Variants in NOD2 observed in about 807,000 individuals in gnomAD.
The protein encoded by NOD2 is nucleotide binding oligomerization domain containing 2.
NOD2 carries 86 observed loss-of-function variants against 90.9 expected under a neutral mutation model. The ratio of observed to expected loss-of-function variants is 0.95; its 90% confidence interval spans 0.79 to 1.13. The LOEUF (loss-of-function observed/expected upper bound fraction) is 1.13, where lower values mean the gene tolerates loss of function less well. NOD2 is among the 50% of genes most tolerant of loss of function. The probability of loss-of-function intolerance (pLI) is 0.00; values close to 1 mark genes in which losing one functional copy is unlikely to be tolerated. For synonymous variants in NOD2, 581 were observed against 554.6 expected (o/e 1.05, Z -0.67); for missense variants, 1,238 against 1,283.8 (o/e 0.96, Z 0.55).
At position 50,722,660 on chromosome 16, in the gene NOD2, C is replaced by T; in HGVS notation, c.2672C>T (p.Ala891Val). Residue 891 changes from alanine to valine, a missense_variant, in exon 8 of 12, where the codon GCC becomes GTC. This residue lies in a region of NOD2 where 667 missense variants were observed against 688.7 expected (regional missense o/e 0.97). Transcript: ENST00000647318. ...GNRVGDEGAQ[A>V]LAEALGDHQS... ...AGAGTGGGTGACGAGGGGGCCCAGG[C>T]CCTGGCTGAAGCCTTGGGTGATCAC... 1 of 1,614,204 alleles carries T rather than the reference C, an allele frequency of 6.2e-7. No homozygotes were observed. Among genetic ancestry groups the T allele is most frequent in the Admixed American group, 1.7e-5 (1 of 60,024 alleles).
rs571559366 is a variant in NOD2, at chr16:50,697,317, G to A, written c.-8-2171G>A. 1.1e-5 allele frequency: 17 copies of A among 1,555,868 alleles called. No homozygotes were observed. The South Asian group carries it at 1.9e-4, about 17-fold the overall frequency. ...AGTGTCCTCCTCGGACATTCTCCGG[G>A]TAAGAGGAGCAGGCATTGTCCCGTC... On this transcript the variant is annotated intron_variant, in intron 1 of 11. Coordinates refer to ENST00000647318, the MANE Select transcript of NOD2 (RefSeq NM_001370466.1).
At position 50,699,512 on chromosome 16, in the gene NOD2, C is replaced by G. The variant is rs762072566; in HGVS notation, c.17C>G (p.Ala6Gly). 1.2e-6 allele frequency: 2 copies of G among 1,613,526 alleles called. No individual in the cohort carries two copies. Among genetic ancestry groups the G allele is most frequent in the South Asian group, 2.2e-5 (2 of 91,066 alleles). ...GGTTGTGAAATGTGCTCGCAGGAGG[C>G]TTTTCAGGCACAGAGGAGCCAGCTG... is the stretch of plus-strand genomic sequence containing the variant. MCSQE[A>G]FQAQRSQLVE... Residue 6 changes from alanine (A) to glycine (G), a missense_variant, in exon 2 of 12, where the codon GCT becomes GGT. Physicochemically the swap from Ala to Gly is moderately conservative, Grantham distance 60. Around this residue, in one of 3 missense-constraint regions of NOD2, gnomAD observed 567 missense variants for 577.3 expected, o/e 0.98. Transcript: ENST00000647318.
intron 6 of NOD2, among the ~76,000 whole-genome samples, chr16:50,717,559 C>T (rs970371991): frequency 6.6e-6 from 1 of 152,210 alleles, no homozygotes; most frequent in African/African-American, 2.4e-5. Flanking sequence ...ATTCTTGCCT[C>T]CTGTGATTTG....
intron 4 of NOD2, 69 bp from the exon 5 acceptor site, chr16:50,716,518 G>A: frequency 7.1e-7 from 1 of 1,399,506 alleles, no homozygotes; most frequent in Admixed American, 1.9e-5. Flanking sequence ...AAGTCTTTTT[G>A]GGGGATTTGT....
chr16:50,717,150 TC>T (rs898549293), intron 6 of NOD2, among the ~76,000 whole-genome samples, 176 bp downstream of exon 6: 3 of 152,214 alleles, frequency 2.0e-5, no homozygotes, highest in African/African-American at 7.2e-5. Context: ...CCCAGTAAAC[TC>T]TGGACTAGCT....
chr16:50,696,719 G>A (rs1459661259), intron 1 of NOD2, among the ~76,000 whole-genome samples: 1 of 152,222 alleles, frequency 6.6e-6, no homozygotes, highest in African/African-American at 2.4e-5. Flanking sequence ...CAGAGACAGG[G>A]CCTGGCTGAA....
rs770693162 is a variant in NOD2 at position 50,699,474 on chromosome 16, G to A, written c.-8-14G>A. ...TCTGGAGAAGTCCCGCACTGACCTT[G>A]TTCTCCTCCCCAGGTTGTGAAATGT... On this transcript the variant is annotated splice_polypyrimidine_tract_variant and intron_variant, in intron 1 of 11. Coordinates refer to ENST00000647318, the MANE Select transcript of NOD2 (RefSeq NM_001370466.1). 1 of 1,611,562 alleles carries A rather than the reference G, an allele frequency of 6.2e-7. No individual in the cohort carries two copies. The highest frequency in any genetic ancestry group is 1.7e-5 in the Admixed American group (1 of 60,012).
Position 50,731,830 on chromosome 16 carries a change from A to G in NOD2, c.*11A>G, listed in dbSNP as rs770345296. The G allele has an allele frequency of 2.4e-5, 39 of 1,608,252 alleles. No individual in the cohort carries two copies. In the South Asian group the frequency reaches 3.6e-4, roughly 15 times the overall value. On this transcript the variant is annotated 3_prime_UTR_variant, in exon 12 of 12. Coordinates refer to ENST00000647318, the MANE Select transcript of NOD2 (RefSeq NM_001370466.1). Reference sequence around the variant, plus strand: ...AGACTCTTGCTTTGAAGTCTCCGGGAGGATGTTCGTCTCAGTTTGTTTGTG... The same window carrying G: ...AGACTCTTGCTTTGAAGTCTCCGGGGGGATGTTCGTCTCAGTTTGTTTGTG...
chr16:50,705,924 A>G (rs114671178), intron 2 of NOD2, among the ~76,000 whole-genome samples: 148 of 152,370 alleles, frequency 9.7e-4, no homozygotes, highest in Admixed American at 2.7e-3. Flanking sequence ...GAGAGGGACA[A>G]TAAGCCAAAG....
chr16:50,713,963 G>C (rs73575756), intron 4 of NOD2, among the ~76,000 whole-genome samples: 4 of 152,132 alleles, frequency 2.6e-5, no homozygotes, highest in African/African-American at 9.7e-5. Context: ...CCAGGCAAAT[G>C]GAAAACAGCC....
At chr16:50,697,175 G>C in intron 1 of NOD2, 1 of 1,315,058 alleles carries the variant, frequency 7.6e-7, no homozygotes, top group Non-Finnish European at 1.1e-6. Flanking sequence ...TGTGCCACTG[G>C]GCTTTTGGCG....
intron 7 of NOD2, among the ~76,000 whole-genome samples, chr16:50,721,994 T>G (rs1198459165): frequency 3.3e-5 from 5 of 152,222 alleles, no homozygotes; most frequent in Admixed American, 6.5e-5. Context: ...ATTCAGCCAT[T>G]CTTTGCTAAC....
At chr16:50,726,302 G>T (rs1422053652) in intron 10 of NOD2, among the ~76,000 whole-genome samples, 1 of 152,166 alleles carries the variant, frequency 6.6e-6, no homozygotes, top group African/African-American at 2.4e-5. Flanking sequence ...TCCTTTTGCT[G>T]GAGGAAAGTG....
At chr16:50,714,207 G>C (rs561300797) in intron 4 of NOD2, among the ~76,000 whole-genome samples, 1 of 152,116 alleles carries the variant, frequency 6.6e-6, no homozygotes, top group Non-Finnish European at 1.5e-5. Flanking sequence ...GGATGTCCCC[G>C]TGATTACCAG....
At chr16:50,699,071 G>A (rs925399641) in intron 1 of NOD2, among the ~76,000 whole-genome samples, 3 of 152,052 alleles carry the variant, frequency 2.0e-5, no homozygotes, top group Non-Finnish European at 4.4e-5. Context: ...GGGATTACAG[G>A]CGCTCGCCAC....
chr16:50,711,405 A>G lies in NOD2; in HGVS notation c.1413A>G (p.Glu471=), dbSNP rs1361409611. 6.2e-7 allele frequency: 1 copy of G among 1,613,646 alleles called. No homozygotes were observed. The highest frequency in any genetic ancestry group is 1.1e-5 in the South Asian group (1 of 91,084). Residue 471 remains glutamate, a synonymous_variant, in exon 4 of 12, where the codon GAA becomes GAG. Coordinates refer to ENST00000647318, the MANE Select transcript of NOD2 (RefSeq NM_001370466.1). Reference sequence around the variant, plus strand: ...GGATGGTGTCCAAATGCCACCAGGAACTGTTGCTGCAGGAGGGGGGGTCCC... The same window carrying G: ...GGATGGTGTCCAAATGCCACCAGGAGCTGTTGCTGCAGGAGGGGGGGTCCC... ...FSWMVSKCHQ[E]LLLQEGGSPK... is the part of the protein sequence containing the mutation.
rs1423938351 is a variant in NOD2, at chr16:50,711,094, T to A, written c.1102T>A (p.Cys368Ser). 1.9e-6 allele frequency: 3 copies of A among 1,614,204 alleles called. No homozygotes were observed. The change falls in exon 4 of 12, where the codon TGC (cysteine) becomes AGC (serine). Residue 368 changes from cysteine to serine, a missense_variant. Transcript: ENST00000647318. ...KFRFTDRERH[C>S]SPTDPTSVQT... The stretch of plus-strand genomic sequence containing the variant: ...CAGGTTCACGGATCGTGAACGCCAC[T>A]GCTCCCCGACCGACCCCACCTCTGT...
chr16:50,704,877 A>T (rs1239359585), intron 2 of NOD2, among the ~76,000 whole-genome samples: 1 of 152,234 alleles, frequency 6.6e-6, no homozygotes, highest in Non-Finnish European at 1.5e-5. Context: ...AGTCCCCAGA[A>T]TTTTAAAATT....
intron 1 of NOD2, among the ~76,000 whole-genome samples, chr16:50,699,072 C>T (rs570986564): frequency 1.3e-5 from 2 of 152,016 alleles, no homozygotes; most frequent in Non-Finnish European, 2.9e-5. Flanking sequence ...GGATTACAGG[C>T]GCTCGCCACC....
Sources: gnomAD v4.1 joint callset for allele counts (sites outside exome capture counted in the v4.1 genomes callset) on GRCh38, gnomAD v4.1.1 for gene constraint, gnomAD v4.1.1 regional missense constraint, MANE v1.5 for transcripts, NCBI Gene and HGNC (gene_info 2026-07-23, HGNC 2026-07-21) for gene names.